CDH6: variants seen among roughly 807,000 people sequenced by gnomAD.
CDH6 encodes the protein cadherin-6.
Under a neutral mutation model 78.0 loss-of-function variants are expected in CDH6, and 31 were observed. That is an observed-to-expected ratio of 0.40 (90% CI 0.30 to 0.54). The LOEUF is 0.54. Ranked by LOEUF, CDH6 falls within the 20% of genes least tolerant of loss-of-function variation. CDH6 has a pLI of 0.56. For synonymous variants in CDH6, 376 were observed against 368.8 expected (o/e 1.02, Z -0.23); for missense variants, 724 against 975.9 (o/e 0.74, Z 3.44).
chr5:31,280,458 G>A (rs1742830502), intron 2 of CDH6, among the ~76,000 whole-genome samples: 1 of 152,154 alleles, frequency 6.6e-6, no homozygotes, highest in Non-Finnish European at 1.5e-5. Flanking sequence ...CAAGCTCAGA[G>A]GAGTTCAGGG....
chr5:31,232,364 T>G (rs1741334900), intron 1 of CDH6, among the ~76,000 whole-genome samples: 1 of 152,324 alleles, frequency 6.6e-6, no homozygotes, highest in Non-Finnish European at 1.5e-5. Flanking sequence ...TCTGGACGTT[T>G]TAAATTTTTC....
At chr5:31,259,023 G>A (rs182156009) in intron 1 of CDH6, among the ~76,000 whole-genome samples, 81 of 152,352 alleles carry the variant, frequency 5.3e-4, no homozygotes, top group East Asian at 3.1e-3. Flanking sequence ...GCAGAAATCA[G>A]AAGAATGTTA....
At chr5:31,199,442 A>ACACACACATATGTGTATATATG (rs1740263891) in intron 1 of CDH6, among the ~76,000 whole-genome samples, 4 of 3,924 alleles carry the variant, frequency 1.0e-3, no homozygotes, top group Non-Finnish European at 1.6e-3. Flanking sequence ...ATGTGTATAT[A>ACACACACATATGTGTATATATG]TACACACACA....
rs149686511 is a variant in CDH6 at position 31,267,586 on chromosome 5, T to C, written c.113T>C (p.Leu38Pro). Residue 38 changes from leucine to proline, a missense_variant, in exon 2 of 12, where the codon CTG (leucine) becomes CCG (proline). Leu to Pro is a moderately conservative substitution (Grantham distance 98). Around this residue, in one of 3 missense-constraint regions of CDH6, gnomAD observed 58 missense variants for 50.8 expected, o/e 1.14. Coordinates refer to ENST00000265071, the MANE Select transcript of CDH6 (RefSeq NM_004932.4). Reference sequence around the variant, plus strand: ...GGTTTCCCAGCAAAGAAAAGGGCCCTGGAGCTCTCTGGAAACAGCAAAAAT... The same window carrying C: ...GGTTTCCCAGCAAAGAAAAGGGCCCCGGAGCTCTCTGGAAACAGCAAAAAT... ...TSGFPAKKRA[L>P]ELSGNSKNEL... 1 of 1,613,792 alleles carries C rather than the reference T, an allele frequency of 6.2e-7. No individual in the cohort carries two copies. The highest frequency in any genetic ancestry group is 1.3e-5 in the African/African-American group (1 of 74,874).
intron 1 of CDH6, among the ~76,000 whole-genome samples, chr5:31,228,912 T>C (rs1269369766): frequency 6.6e-6 from 1 of 152,212 alleles, no homozygotes; most frequent in African/African-American, 2.4e-5. Flanking sequence ...CTCTCCAAGA[T>C]TTATTTCCTT....
At chr5:31,229,839 GC>G (rs1741268632) in intron 1 of CDH6, among the ~76,000 whole-genome samples, 1 of 152,172 alleles carries the variant, frequency 6.6e-6, no homozygotes, top group Admixed American at 6.5e-5. Flanking sequence ...ACGGGCTGAG[GC>G]TTTTTGCCCT....
rs1249408711 is a variant in CDH6, at chr5:31,325,939, A to G, written c.*2631A>G. The G allele has an allele frequency of 8.6e-6, 2 of 232,278 alleles. No homozygotes were observed. Among genetic ancestry groups the G allele is most frequent in the African/African-American group, 2.2e-5 (1 of 45,306 alleles). The allele number at this position is 232,278 out of a possible 1,614,324, so 14.4% of individuals were successfully genotyped here. On this transcript the variant is annotated 3_prime_UTR_variant, in exon 12 of 12. Coordinates refer to ENST00000265071, the MANE Select transcript of CDH6 (RefSeq NM_004932.4). ...TGACATCGTGGAACCAATAAGAGTCATAGTTCCATCATTCTCCAGCTTCGT... is the reference window on the plus strand; with the variant it reads ...TGACATCGTGGAACCAATAAGAGTCGTAGTTCCATCATTCTCCAGCTTCGT...
chr5:31,299,118 T>G (rs1737685500), intron 4 of CDH6, among the ~76,000 whole-genome samples: 1 of 152,212 alleles, frequency 6.6e-6, no homozygotes, highest in Non-Finnish European at 1.5e-5. Context: ...ACAAGCCATT[T>G]TAGATTCTGC....
intron 1 of CDH6, chr5:31,251,658 TAGGCTTC>T (rs1741911948): frequency 6.6e-6 from 1 of 152,130 alleles, no homozygotes; most frequent in South Asian, 2.1e-4. Context: ...TAATCCCGAG[TAGGCTTC>T]ATGACCAGTT....
chr5:31,198,590 T>C (rs1398686200), intron 1 of CDH6, among the ~76,000 whole-genome samples: 1 of 151,940 alleles, frequency 6.6e-6, no homozygotes, highest in Non-Finnish European at 1.5e-5. Flanking sequence ...CCAAAAGATA[T>C]CCAAGAGACC....
At chr5:31,281,613 G>T (rs1000974388) in intron 2 of CDH6, among the ~76,000 whole-genome samples, 1 of 152,198 alleles carries the variant, frequency 6.6e-6, no homozygotes, top group Non-Finnish European at 1.5e-5. Context: ...AGTAAACAAT[G>T]CCTTTTTGGG....
chr5:31,234,494 G>T (rs990375237), intron 1 of CDH6, among the ~76,000 whole-genome samples: 4 of 152,122 alleles, frequency 2.6e-5, no homozygotes, highest in Non-Finnish European at 5.9e-5. Flanking sequence ...CTAATAACTA[G>T]ATGCCATTTT....
At chr5:31,301,121 C>CA (rs1372410257) in intron 5 of CDH6, among the ~76,000 whole-genome samples, 3 of 151,598 alleles carry the variant, frequency 2.0e-5, no homozygotes, top group East Asian at 1.9e-4. Context: ...AAATCCTGTC[C>CA]AAAAAAAATG....
At chr5:31,281,977 A>G (rs553873691) in intron 2 of CDH6, among the ~76,000 whole-genome samples, 4 of 152,324 alleles carry the variant, frequency 2.6e-5, no homozygotes, top group East Asian at 3.9e-4. Flanking sequence ...GAATTAATGC[A>G]TGCAACACAC....
chr5:31,215,338 T>G (rs1300616968), intron 1 of CDH6, among the ~76,000 whole-genome samples: 1 of 152,188 alleles, frequency 6.6e-6, no homozygotes, highest in Non-Finnish European at 1.5e-5. Flanking sequence ...GCTGTGAAGG[T>G]AATAGGTTTA....
intron 2 of CDH6, among the ~76,000 whole-genome samples, chr5:31,292,594 A>T (rs1021554662): frequency 3.3e-5 from 5 of 152,042 alleles, no homozygotes; most frequent in African/African-American, 1.2e-4. Flanking sequence ...AATTGAAACA[A>T]GGTAGAGAGT....
At chr5:31,320,552 T>A (rs1047208550) in intron 11 of CDH6, among the ~76,000 whole-genome samples, 2 of 152,152 alleles carry the variant, frequency 1.3e-5, no homozygotes, top group African/African-American at 4.8e-5. Context: ...ACCCTCTGTT[T>A]TGCAAATCCG....
chr5:31,315,980 C>G (rs899270158), intron 8 of CDH6, among the ~76,000 whole-genome samples: 3 of 152,166 alleles, frequency 2.0e-5, no homozygotes, highest in African/African-American at 7.2e-5. Context: ...ACTATATCAA[C>G]ACAAGTGGCT....
intron 6 of CDH6, among the ~76,000 whole-genome samples, chr5:31,302,972 G>GAAAGAAAGA (rs1561066661): frequency 1.4e-5 from 2 of 142,046 alleles, no homozygotes; most frequent in Non-Finnish European, 1.6e-5. Flanking sequence ...AGAAAAGAAA[G>GAAAGAAAGA]AAAGAAAGAA....
Sources: allele counts gnomAD v4.1 joint callset (sites outside exome capture counted in the v4.1 genomes callset), GRCh38; gene constraint gnomAD v4.1.1; regional missense constraint gnomAD v4.1.1; transcripts MANE v1.5; gene names NCBI Gene and HGNC (gene_info 2026-07-23, HGNC 2026-07-21).